Variants in GLIS3 observed in about 807,000 individuals in gnomAD.
GLIS3 encodes the protein GLIS family zinc finger 3.
GLIS3 carries 53 observed loss-of-function variants against 78.6 expected under a neutral mutation model. The observed-to-expected ratio is 0.67, with a 90% CI of 0.54 to 0.85. The LOEUF (loss-of-function observed/expected upper bound fraction) is 0.85, where lower values mean the gene tolerates loss of function less well. Among genes scored for constraint, GLIS3 ranks in the 40% least tolerant of loss-of-function variants. The probability of loss-of-function intolerance (pLI) is 0.00; values close to 1 mark genes in which losing one functional copy is unlikely to be tolerated. For missense variants in GLIS3, 1,703 were observed against 1,231.1 expected, an observed-to-expected ratio of 1.38 and a Z score of -5.74; for synonymous variants, 684 against 509.9, an observed-to-expected ratio of 1.34 and a Z score of -4.60.
At chr9:4,312,230 G>A (rs775566767) in intron 2 of GLIS3, among the ~76,000 whole-genome samples, 13 of 152,216 alleles carry the variant, frequency 8.5e-5, no homozygotes, top group Non-Finnish European at 1.9e-4. Flanking sequence ...CATTTTGGGA[G>A]GCCAAGGCTG....
chr9:3,981,198 T>A (rs887574376), intron 4 of GLIS3, among the ~76,000 whole-genome samples: 4 of 152,214 alleles, frequency 2.6e-5, no homozygotes, highest in African/African-American at 7.2e-5. Flanking sequence ...GGGACATTTT[T>A]AAAATGAATT....
Position 3,872,683 on chromosome 9 carries a change from G to A in GLIS3, c.2297+6744C>T, listed in dbSNP as rs141369789. On this transcript the variant is annotated intron_variant, in intron 8 of 10. Transcript: ENST00000381971. ...TCCCAACAGATCCCTCCCACAACAC[G>A]TAGGAATTATGGGAATACAATTCAA... Among the ~76,000 whole-genome samples the A allele has an allele frequency of 4.1e-4, 62 of 152,278 alleles. 1 individual carries two copies. The highest frequency in any genetic ancestry group is 1.5e-3 in the South Asian group (7 of 4,826).
intron 4 of GLIS3, among the ~76,000 whole-genome samples, chr9:4,094,328 G>C (rs555475558): frequency 8.1e-4 from 123 of 152,328 alleles, no homozygotes; most frequent in African/African-American, 2.8e-3. Flanking sequence ...TATGTGGCTA[G>C]TGAGAGTGCA....
chr9:3,887,133 C>T (rs1588153570), intron 7 of GLIS3, among the ~76,000 whole-genome samples: 1 of 151,876 alleles, frequency 6.6e-6, no homozygotes, highest in Non-Finnish European at 1.5e-5. Flanking sequence ...TCTTTTTTTT[C>T]CTTCCCACTT....
chr9:4,372,235 G>C, the GLIS3 span, among the ~76,000 whole-genome samples: 2,739 of 152,246 alleles, frequency 0.018, 78 homozygotes, highest in African/African-American at 0.063. Flanking sequence ...AGGACCCCGT[G>C]CTCAGATGGG....
intron 4 of GLIS3, among the ~76,000 whole-genome samples, chr9:4,059,873 A>G (rs1826499372): frequency 6.6e-6 from 1 of 151,186 alleles, no homozygotes; most frequent in Non-Finnish European, 1.5e-5. Context: ...AGAGAAAGAG[A>G]GAGACTGGCT....
chr9:4,200,016 C>T (rs187548492), intron 2 of GLIS3, among the ~76,000 whole-genome samples: 189 of 152,196 alleles, frequency 1.2e-3, no homozygotes, highest in African/African-American at 3.6e-3. Flanking sequence ...CTCTCAAAAC[C>T]ACACAATTAC....
At chr9:4,368,553 G>A in the GLIS3 span, among the ~76,000 whole-genome samples, 5 of 152,086 alleles carry the variant, frequency 3.3e-5, no homozygotes, top group Admixed American at 6.5e-5. Context: ...GGGTTTCACC[G>A]TGTTAGCCAG....
intron 2 of GLIS3, among the ~76,000 whole-genome samples, chr9:4,328,901 G>A (rs1019864468): frequency 1.3e-5 from 2 of 152,162 alleles, no homozygotes; most frequent in Admixed American, 1.3e-4. Flanking sequence ...TCAGCTCCCA[G>A]GCCTAAGATG....
intron 2 of GLIS3, among the ~76,000 whole-genome samples, chr9:4,247,157 G>C (rs1006033108): frequency 1.3e-5 from 2 of 152,156 alleles, no homozygotes; most frequent in African/African-American, 4.8e-5. Flanking sequence ...TCTGCCATTC[G>C]TAAGTATCTC....
At chr9:4,426,919 G>A in the GLIS3 span, among the ~76,000 whole-genome samples, 20 of 152,200 alleles carry the variant, frequency 1.3e-4, no homozygotes, top group Non-Finnish European at 2.6e-4. Flanking sequence ...TTTGACTTCA[G>A]TTACTTATAC....
rs1817639128 is a variant in GLIS3, at chr9:4,328,755, A to G, written n.265-18227T>C. Among the ~76,000 whole-genome samples the G allele has an allele frequency of 2.7e-5, 4 of 147,644 alleles. No individual in the cohort carries two copies. In the South Asian group the frequency reaches 8.7e-4, roughly 32 times the overall value. ...TTTTCCCTGCGTAAAACAGGTATGG[A>G]CATAATCTCTCTGCCATACCAGGTG... On this transcript the variant is annotated intron_variant and non_coding_transcript_variant, in intron 2 of 4. Coordinates refer to the GLIS3 transcript ENST00000471664.
At chr9:4,046,006 G>A (rs1356672455) in intron 4 of GLIS3, among the ~76,000 whole-genome samples, 1 of 152,172 alleles carries the variant, frequency 6.6e-6, no homozygotes. Context: ...AACAAAAAGT[G>A]CAACTGCCAG....
intron 4 of GLIS3, among the ~76,000 whole-genome samples, chr9:4,102,488 C>A (rs191531347): frequency 1.1e-3 from 164 of 152,274 alleles, no homozygotes; most frequent in African/African-American, 3.6e-3. Flanking sequence ...AGGAGACATA[C>A]AGCAATGCCT....
intron 2 of GLIS3, among the ~76,000 whole-genome samples, chr9:4,238,935 A>C (rs1177972708): frequency 6.6e-6 from 1 of 152,078 alleles, no homozygotes; most frequent in Non-Finnish European, 1.5e-5. Flanking sequence ...AATTCAAAAC[A>C]AACGTTGTTT....
At chr9:4,415,069 A>C in the GLIS3 span, among the ~76,000 whole-genome samples, 2 of 152,310 alleles carry the variant, frequency 1.3e-5, no homozygotes, top group East Asian at 1.9e-4. Context: ...TACTCAACTT[A>C]GGTTTTCTTT....
chr9:4,352,726 G>C (rs749006128), upstream of GLIS3, among the ~76,000 whole-genome samples: 2 of 152,256 alleles, frequency 1.3e-5, no homozygotes, highest in Non-Finnish European at 2.9e-5. Flanking sequence ...TGGCCCTTGT[G>C]CCTTTGTGCT....
Position 3,988,336 on chromosome 9 carries a change from G to C in GLIS3, c.1711-51147C>G, listed in dbSNP as rs542881953. 2.0e-3 allele frequency among the ~76,000 whole-genome samples: 300 copies of C among 152,180 alleles called. 1 individual carries two copies. Among genetic ancestry groups the C allele is most frequent in the Non-Finnish European group, 2.5e-3 (170 of 67,996 alleles). On this transcript the variant is annotated intron_variant, in intron 4 of 10. Transcript: ENST00000381971. ...AGAAGGAATCCTGGCACATCAAGAA[G>C]GAAGAAGATACAATGAAAAAAGCAA... is the stretch of plus-strand genomic sequence containing the variant.
intron 2 of GLIS3, among the ~76,000 whole-genome samples, chr9:4,226,228 C>G (rs776391077): frequency 3.4e-4 from 51 of 152,216 alleles, no homozygotes; most frequent in Non-Finnish European, 2.2e-4. Context: ...TAAGAAGGAA[C>G]AGAAGTAAAC....
Sources: gnomAD v4.1 joint callset for allele counts (sites outside exome capture counted in the v4.1 genomes callset) on GRCh38, gnomAD v4.1.1 for gene constraint, MANE v1.5 for transcripts, NCBI Gene and HGNC (gene_info 2026-07-23, HGNC 2026-07-21) for gene names.